The following ANK1 variants were observed in gnomAD, a reference collection of about 807,000 sequenced individuals.
The protein encoded by ANK1 is ankyrin-1.
A neutral mutation model predicts 210.4 loss-of-function variants in ANK1; 51 were observed. The observed-to-expected ratio is 0.24, with a 90% CI of 0.19 to 0.31. ANK1 has a LOEUF of 0.31. Ranked by LOEUF, ANK1 falls within the 10% of genes least tolerant of loss-of-function variation. The pLI is 1.00. For missense variants in ANK1, 2,051 were observed against 2,504.4 expected (o/e 0.82, Z 3.86); for synonymous variants, 967 against 1,025.9 (o/e 0.94, Z 1.10).
chr8:41,803,019 A>AAGAAAGAAAGAAAGAAAG (rs1563810088), intron 1 of ANK1, among the ~76,000 whole-genome samples: 44 of 99,392 alleles, frequency 4.4e-4, no homozygotes, highest in African/African-American at 1.9e-3. Flanking sequence ...GAAAGAAAGA[A>AAGAAAGAAAGAAAGAAAG]AGAAAGAAAG....
rs77969818 is a variant in ANK1 at position 41,817,087 on chromosome 8, T to C, written c.127-58950A>G. 3.8e-3 allele frequency among the ~76,000 whole-genome samples: 576 copies of C among 152,194 alleles called. 26 individuals are homozygous for C. The East Asian group carries it at 0.091, about 24-fold the overall frequency. Reference sequence around the variant, plus strand: ...GACTTGTCATTTGCCAGTTTCCAAATAGTTTCTTTTTTTTTTTTCTTTTTA... The same window carrying C: ...GACTTGTCATTTGCCAGTTTCCAAACAGTTTCTTTTTTTTTTTTCTTTTTA... On this transcript the variant is annotated intron_variant, in intron 1 of 42. Transcript: ENST00000265709.
upstream of ANK1, among the ~76,000 whole-genome samples, chr8:41,798,784 G>A (rs1012420086): frequency 3.9e-5 from 6 of 152,118 alleles, no homozygotes; most frequent in African/African-American, 1.4e-4. Flanking sequence ...GGGGCCTCTG[G>A]TGCAGTCCTC....
At chr8:41,662,837 C>G (rs1483229946) in intron 40 of ANK1, among the ~76,000 whole-genome samples, 2 of 151,974 alleles carry the variant, frequency 1.3e-5, no homozygotes, top group African/African-American at 4.8e-5. Flanking sequence ...CCATAGCTAG[C>G]ACCGTGCCCC....
chr8:41,810,638 G>C (rs562474565), intron 1 of ANK1, among the ~76,000 whole-genome samples: 63 of 152,218 alleles, frequency 4.1e-4, no homozygotes, highest in Non-Finnish European at 8.1e-4. Context: ...CTCTCTTCTG[G>C]CGTCCCTGAC....
intron 11 of ANK1, 71 bp from the exon 12 acceptor site, chr8:41,717,773 AG>A: frequency 7.8e-7 from 1 of 1,287,674 alleles, no homozygotes; most frequent in Non-Finnish European, 1.1e-6. Context: ...AGAACCTGAC[AG>A]TATCTAACGC....
chr8:41,833,989 G>C (rs547529216), intron 1 of ANK1, among the ~76,000 whole-genome samples: 1 of 152,354 alleles, frequency 6.6e-6, no homozygotes, highest in South Asian at 2.1e-4. Context: ...ATAAAGGCAT[G>C]GAGGTGAGAA....
chr8:41,846,081 C>T (rs932462639), intron 1 of ANK1, among the ~76,000 whole-genome samples: 3 of 152,208 alleles, frequency 2.0e-5, no homozygotes, highest in Middle Eastern at 3.2e-3. Flanking sequence ...GCTCCATAAA[C>T]TGAGGGATGC....
intron 1 of ANK1, among the ~76,000 whole-genome samples, chr8:41,880,933 A>T (rs1817476431): frequency 6.6e-6 from 1 of 152,254 alleles, no homozygotes; most frequent in Non-Finnish European, 1.5e-5. Context: ...CAAGTGGAAC[A>T]AAAGAACAGC....
At chr8:41,667,019 G>A (rs767074576) in intron 39 of ANK1, among the ~76,000 whole-genome samples, 11 of 152,226 alleles carry the variant, frequency 7.2e-5, no homozygotes, top group South Asian at 6.2e-4. Context: ...TGCTGTAGGC[G>A]TCTTTCTCTT....
At chr8:41,776,505 G>A (rs1844080452) in intron 1 of ANK1, among the ~76,000 whole-genome samples, 1 of 152,142 alleles carries the variant, frequency 6.6e-6, no homozygotes, top group Non-Finnish European at 1.5e-5. Context: ...AGAGAAAGAA[G>A]CTCCAGGGAG....
At chr8:41,862,797 G>T (rs1587485867) in intron 1 of ANK1, among the ~76,000 whole-genome samples, 2 of 150,456 alleles carry the variant, frequency 1.3e-5, no homozygotes, top group African/African-American at 4.9e-5. Flanking sequence ...ATCACTTGAG[G>T]CCAGGAGTTC....
At chr8:41,845,388 CAAAAAAAAAAA>C (rs1268944961) in intron 1 of ANK1, among the ~76,000 whole-genome samples, 1 of 130,646 alleles carries the variant, frequency 7.7e-6, no homozygotes, top group Non-Finnish European at 1.7e-5. Flanking sequence ...GACTCCATCC[CAAAAAAAAAAA>C]GAAAAAAAAA....
intron 9 of ANK1, among the ~76,000 whole-genome samples, chr8:41,721,656 C>CAAAAAAAAAAAAA (rs55653901): frequency 9.2e-5 from 10 of 108,120 alleles, no homozygotes; most frequent in Non-Finnish European, 1.5e-4. Context: ...GACTTCATCT[C>CAAAAAAAAAAAAA]AAAAAAAAAA....
chr8:41,673,537 T>C (rs1210808967), intron 37 of ANK1, among the ~76,000 whole-genome samples: 1 of 152,160 alleles, frequency 6.6e-6, no homozygotes, highest in Admixed American at 6.5e-5. Flanking sequence ...AGTTGCCTAT[T>C]GGTTCCAGAA....
In ANK1 at chr8:41,751,919, A is replaced by G. The variant is rs1038716313; in HGVS notation, c.129+6117T>C. Among the ~76,000 whole-genome samples, 5 of 151,618 alleles carry G rather than the reference A, an allele frequency of 3.3e-5. 1 individual carries two copies. The South Asian group carries it at 8.4e-4, about 25-fold the overall frequency. On this transcript the variant is annotated intron_variant, in intron 2 of 42. Transcript: ENST00000289734. ...AGCCCTCTTTGATCTGACCCCAGGC[A>G]CTCCTCCAACCCCCCTGCCTACCAC... is the stretch of plus-strand genomic sequence containing the variant.
intron 9 of ANK1, among the ~76,000 whole-genome samples, chr8:41,720,730 G>T (rs1175295724): frequency 6.6e-6 from 1 of 152,074 alleles, no homozygotes; most frequent in Non-Finnish European, 1.5e-5. Context: ...GGAGGGAGGA[G>T]GTGAGGCCTG....
chr8:41,795,840 A>G (rs1323364158), intron 1 of ANK1, among the ~76,000 whole-genome samples: 1 of 152,184 alleles, frequency 6.6e-6, no homozygotes, highest in Non-Finnish European at 1.5e-5. Flanking sequence ...GGTGTTTGAT[A>G]GCAGCTTAGG....
chr8:41,691,831 A>G (rs754880506), intron 31 of ANK1, among the ~76,000 whole-genome samples: 1 of 152,208 alleles, frequency 6.6e-6, no homozygotes, highest in Non-Finnish European at 1.5e-5. Flanking sequence ...TATGAGAATT[A>G]AATGAGAATA....
At position 41,848,348 on chromosome 8, in the gene ANK1, A is replaced by C. The variant is rs1324782228; in HGVS notation, c.126+48007T>G. On this transcript the variant is annotated intron_variant, in intron 1 of 42. Coordinates refer to the ANK1 transcript ENST00000265709. ...CCCAACTTTCCACCGTAGAGTAAGT[A>C]ATCCCTTTGGACTCTAGAAGGTTCT... Among the ~76,000 whole-genome samples the C allele has an allele frequency of 3.3e-5, 5 of 152,224 alleles. No individual in the cohort carries two copies. In the East Asian group the frequency reaches 9.6e-4, roughly 29 times the overall value.
Sources: gnomAD v4.1 joint callset for allele counts (sites outside exome capture counted in the v4.1 genomes callset) on GRCh38, gnomAD v4.1.1 for gene constraint, MANE v1.5 for transcripts, NCBI Gene and HGNC (gene_info 2026-07-23, HGNC 2026-07-21) for gene names.